AOPEP: variants seen among roughly 807,000 people sequenced by gnomAD.
The protein encoded by AOPEP is aminopeptidase O.
In AOPEP, 77 loss-of-function variants were observed where a neutral mutation model predicts 98.1. That is an observed-to-expected ratio of 0.78 (90% CI 0.65 to 0.95). The LOEUF is 0.95. Among genes scored for constraint, AOPEP ranks in the 40% least tolerant of loss-of-function variants. The pLI, the probability that AOPEP is intolerant of heterozygous loss-of-function variation, is 0.00. For missense variants in AOPEP, 1,024 were observed against 1,024.7 expected, an observed-to-expected ratio of 1.00 and a Z score of 0.01; for synonymous variants, 346 against 365.3, an observed-to-expected ratio of 0.95 and a Z score of 0.60.
intron 5 of AOPEP, among the ~76,000 whole-genome samples, chr9:94,810,558 A>G (rs1588333022): frequency 6.6e-6 from 1 of 151,884 alleles, no homozygotes; most frequent in South Asian, 2.1e-4. Context: ...CAAATGATCC[A>G]CCCACCTCAG....
intron 9 of AOPEP, 37 bp from the exon 10 acceptor site, chr9:94,967,721 A>G (rs1373945231): frequency 1.3e-6 from 2 of 1,577,092 alleles, no homozygotes; most frequent in Admixed American, 1.7e-5. Flanking sequence ...TTATTTATTG[A>G]TGGACATCTT....
At chr9:95,103,454 G>C in the AOPEP span, among the ~76,000 whole-genome samples, 3 of 152,212 alleles carry the variant, frequency 2.0e-5, no homozygotes. Flanking sequence ...CTGTGGCCCA[G>C]CAGCAGGAGG....
chr9:95,005,461 G>C, intron 12 of AOPEP, 81 bp from the exon 13 acceptor site: 3 of 1,349,292 alleles, frequency 2.2e-6, no homozygotes, highest in East Asian at 2.3e-5. Flanking sequence ...GCGAGGCCGG[G>C]GGTCTCTGCT....
At chr9:94,801,692 G>A (rs1319626850) in intron 5 of AOPEP, among the ~76,000 whole-genome samples, 1 of 152,144 alleles carries the variant, frequency 6.6e-6, no homozygotes, top group Non-Finnish European at 1.5e-5. Context: ...TCATTAATGG[G>A]TATCTGTGTT....
intron 13 of AOPEP, among the ~76,000 whole-genome samples, chr9:95,012,667 C>T (rs1157476954): frequency 6.6e-6 from 1 of 152,052 alleles, no homozygotes; most frequent in African/African-American, 2.4e-5. Flanking sequence ...AGGCTGACAG[C>T]AGCGTGTATC....
intron 14 of AOPEP, among the ~76,000 whole-genome samples, chr9:95,079,758 G>C (rs2069520909): frequency 6.6e-6 from 1 of 152,192 alleles, no homozygotes; most frequent in Admixed American, 6.5e-5. Context: ...ATTCCTGCAG[G>C]TGAACGTTTA....
chr9:95,123,539 A>G, the AOPEP span: 3 of 521,610 alleles, frequency 5.8e-6, no homozygotes, highest in Non-Finnish European at 1.1e-5. Flanking sequence ...AAAAAGAAGG[A>G]ACAACGGTCG....
In AOPEP at chr9:94,930,345, A is replaced by G. The variant is rs1398693310; in HGVS notation, c.1661+1814A>G. Reference sequence around the variant, plus strand: ...GGTAGATGGTGATCCCATTTGTGTGATGGTAAAGACATGAGGAGGAGCTTG... The same window carrying G: ...GGTAGATGGTGATCCCATTTGTGTGGTGGTAAAGACATGAGGAGGAGCTTG... On this transcript the variant is annotated intron_variant, in intron 7 of 16. Coordinates refer to ENST00000375315, the MANE Select transcript of AOPEP (RefSeq NM_001193329.3). The surrounding 1 kb of genome is among the most constrained non-coding windows in gnomAD (Gnocchi z 4.5). 6.6e-6 allele frequency among the ~76,000 whole-genome samples: 1 copy of G among 152,180 alleles called. No individual in the cohort carries two copies. Among genetic ancestry groups the G allele is most frequent in the Non-Finnish European group, 1.5e-5 (1 of 68,030 alleles).
chr9:95,132,530 C>G, the AOPEP span, among the ~76,000 whole-genome samples: 2 of 152,174 alleles, frequency 1.3e-5, no homozygotes, highest in Non-Finnish European at 2.9e-5. Context: ...TCAGTCTGTA[C>G]AGTAAATGAC....
intron 4 of AOPEP, among the ~76,000 whole-genome samples, chr9:94,799,370 C>T (rs144644646): frequency 1.9e-4 from 26 of 140,142 alleles, no homozygotes; most frequent in African/African-American, 6.7e-4. Context: ...CTCTGGGTTA[C>T]AAAGTGAGAC....
At chr9:94,782,049 C>T (rs1024029774) in intron 3 of AOPEP, among the ~76,000 whole-genome samples, 16 of 151,256 alleles carry the variant, frequency 1.1e-4, no homozygotes, top group Non-Finnish European at 2.4e-4. Context: ...AAAAATTAGC[C>T]GGGCGTGGTG....
intron 9 of AOPEP, among the ~76,000 whole-genome samples, chr9:94,965,982 G>T (rs13295134): frequency 2.0e-5 from 3 of 148,784 alleles, no homozygotes; most frequent in Non-Finnish European, 3.0e-5. Context: ...TCTATTGGGA[G>T]GCTTCGGTCT....
chr9:94,989,851 C>T (rs1393988100), intron 11 of AOPEP, among the ~76,000 whole-genome samples: 5 of 147,574 alleles, frequency 3.4e-5, no homozygotes, highest in Non-Finnish European at 4.5e-5. Context: ...CCTTGTGATC[C>T]GCCCGCCTCG....
rs1331470545 is a variant in AOPEP at position 94,880,372 on chromosome 9, C to CTT, written c.1365-43602_1365-43601dup. Among the ~76,000 whole-genome samples the CTT allele has an allele frequency of 5.6e-3, 711 of 127,112 alleles. 8 individuals are homozygous for CTT. The highest frequency in any genetic ancestry group is 0.018 in the African/African-American group (638 of 34,544). The allele number at this position is 127,112 out of a possible 152,430, so 83.4% of individuals were successfully genotyped here. A position where few individuals can be genotyped will look rare whatever the true frequency, so the allele number is the denominator to read the frequency against. ...CTTTTTCTTTTTCTTTTTTTCTTTT[C>CTT]TTTTTTTTTTTTTAGACAGGGTCTC... On this transcript the variant is annotated intron_variant, in intron 5 of 16. Coordinates refer to ENST00000375315, the MANE Select transcript of AOPEP (RefSeq NM_001193329.3).
chr9:94,801,627 T>G (rs1464110450), intron 5 of AOPEP, among the ~76,000 whole-genome samples: 1 of 152,230 alleles, frequency 6.6e-6, no homozygotes, highest in African/African-American at 2.4e-5. Context: ...TGTGTCCTGG[T>G]TTGGTTCCCT....
chr9:95,044,305 T>G (rs184336275), intron 13 of AOPEP, among the ~76,000 whole-genome samples: 60 of 151,562 alleles, frequency 4.0e-4, no homozygotes, highest in African/African-American at 1.4e-3. Flanking sequence ...GAATCACTGC[T>G]AATGGGCACA....
chr9:95,064,513 A>G (rs1320334816), intron 14 of AOPEP, among the ~76,000 whole-genome samples: 1 of 151,516 alleles, frequency 6.6e-6, no homozygotes, highest in East Asian at 1.9e-4. Flanking sequence ...CTGTTCTCGA[A>G]CTCCTGACCT....
chr9:94,955,165 A>G lies in AOPEP; in HGVS notation c.1662-12A>G, dbSNP rs746719131. 3 of 1,516,466 alleles carry G rather than the reference A, an allele frequency of 2.0e-6. No individual in the cohort carries two copies. Among genetic ancestry groups the G allele is most frequent in the Non-Finnish European group, 1.8e-6 (2 of 1,098,352 alleles). The allele number at this position is 1,516,466 out of a possible 1,614,324, so 93.9% of individuals were successfully genotyped here. A position where few individuals can be genotyped will look rare whatever the true frequency, so the allele number is the denominator to read the frequency against. ...TGCTATACTTAAATAAATTGTTACT[A>G]AATCGTTTTAGACCCAGTAAAGACA... On this transcript the variant is annotated splice_polypyrimidine_tract_variant and intron_variant, in intron 7 of 16. Transcript: ENST00000375315.
At chr9:95,123,691 C>T in the AOPEP span, 5 of 672,104 alleles carry the variant, frequency 7.4e-6, no homozygotes, top group Admixed American at 1.8e-5. Flanking sequence ...CTGAAGCGAG[C>T]GTCTTTGATG....
Sources: gnomAD v4.1 joint callset for allele counts (sites outside exome capture counted in the v4.1 genomes callset) on GRCh38, gnomAD v4.1.1 for gene constraint, Gnocchi (gnomAD v3.1) non-coding constraint, MANE v1.5 for transcripts, NCBI Gene and HGNC (gene_info 2026-07-23, HGNC 2026-07-21) for gene names.